CSMD1: variants seen among roughly 807,000 people sequenced by gnomAD.
The protein encoded by CSMD1 is CUB and sushi domain-containing protein 1.
Under a neutral mutation model 417.5 loss-of-function variants are expected in CSMD1, and 213 were observed. The ratio of observed to expected loss-of-function variants is 0.51; its 90% confidence interval spans 0.46 to 0.57. The LOEUF is 0.57. Among genes scored for constraint, CSMD1 ranks in the 20% least tolerant of loss-of-function variants. The pLI is 0.00. For missense variants in CSMD1, 6,923 were observed against 4,529.7 expected, an observed-to-expected ratio of 1.53 and a Z score of -15.17; for synonymous variants, 2,862 against 1,736.8, an observed-to-expected ratio of 1.65 and a Z score of -16.11.
chr8:4,107,940 A>G (rs936934252), intron 3 of CSMD1, among the ~76,000 whole-genome samples: 3 of 152,094 alleles, frequency 2.0e-5, no homozygotes, highest in Non-Finnish European at 4.4e-5. Flanking sequence ...TTTGCCCCCT[A>G]CGGACTGAAA....
intron 40 of CSMD1, among the ~76,000 whole-genome samples, chr8:3,150,073 G>C (rs142496294): frequency 2.6e-5 from 4 of 152,290 alleles, no homozygotes; most frequent in East Asian, 1.9e-4. Flanking sequence ...GGCCCAGCTT[G>C]GGAGAACAGT....
intron 2 of CSMD1, among the ~76,000 whole-genome samples, chr8:4,427,309 A>G (rs1281426258): frequency 6.6e-6 from 1 of 152,166 alleles, no homozygotes; most frequent in Non-Finnish European, 1.5e-5. Flanking sequence ...TACTGTTGAC[A>G]AAATACTGGA....
In CSMD1 at chr8:4,579,583, C is replaced by T. The variant is rs967329326; in HGVS notation, c.302+57759G>A. On this transcript the variant is annotated intron_variant, in intron 2 of 69. Coordinates refer to ENST00000635120, the MANE Select transcript of CSMD1 (RefSeq NM_033225.6). ...CTCAGCATGTTAGCCAGGCTGGTCT[C>T]GAGATCCTCACCTCATGATCCACCA... is the stretch of plus-strand genomic sequence containing the variant. Among the ~76,000 whole-genome samples the T allele has an allele frequency of 3.3e-5, 5 of 152,026 alleles. No homozygotes were observed. In the South Asian group the frequency reaches 8.3e-4, roughly 25 times the overall value.
intron 6 of CSMD1, among the ~76,000 whole-genome samples, chr8:3,743,347 C>G (rs1280392225): frequency 6.6e-6 from 1 of 152,202 alleles, no homozygotes; most frequent in Non-Finnish European, 1.5e-5. Flanking sequence ...GCTGCTTTTG[C>G]TCTTTAGAAA....
intron 5 of CSMD1, among the ~76,000 whole-genome samples, chr8:3,766,333 G>T (rs944970031): frequency 3.3e-5 from 5 of 152,144 alleles, no homozygotes; most frequent in African/African-American, 1.2e-4. Flanking sequence ...AAAAATCTTG[G>T]TTGCAACAAG....
chr8:4,438,001 G>T (rs949681232), intron 2 of CSMD1, among the ~76,000 whole-genome samples: 4 of 152,104 alleles, frequency 2.6e-5, no homozygotes, highest in African/African-American at 9.7e-5. Flanking sequence ...AAAGTGGTCT[G>T]ATCTGCATTT....
intron 3 of CSMD1, among the ~76,000 whole-genome samples, chr8:4,134,676 C>T (rs905711625): frequency 2.0e-5 from 3 of 152,166 alleles, no homozygotes; most frequent in Admixed American, 1.3e-4. Context: ...AATTTTCCAT[C>T]CCTACCGCCT....
chr8:4,943,397 G>A (rs1808150485), intron 1 of CSMD1, among the ~76,000 whole-genome samples: 1 of 152,032 alleles, frequency 6.6e-6, no homozygotes, highest in Non-Finnish European at 1.5e-5. Flanking sequence ...TCGGGAGGCT[G>A]AGGCAGGAGA....
At chr8:4,435,221 T>C (rs908928135) in intron 2 of CSMD1, among the ~76,000 whole-genome samples, 1 of 152,154 alleles carries the variant, frequency 6.6e-6, no homozygotes, top group African/African-American at 2.4e-5. Context: ...ATCTGATCTT[T>C]GGAAAATTAA....
At chr8:4,678,811 G>C (rs1009404981) in intron 1 of CSMD1, among the ~76,000 whole-genome samples, 1 of 152,198 alleles carries the variant, frequency 6.6e-6, no homozygotes, top group Non-Finnish European at 1.5e-5. Flanking sequence ...CCTGTATGTA[G>C]CAAGGGTGTG....
intron 7 of CSMD1, among the ~76,000 whole-genome samples, chr8:3,670,519 C>T (rs531097470): frequency 2.0e-4 from 24 of 121,306 alleles, no homozygotes; most frequent in African/African-American, 6.8e-4. Context: ...TATATATATC[C>T]TATATACATA....
chr8:3,214,326 G>C (rs34073332), intron 30 of CSMD1, among the ~76,000 whole-genome samples, 171 bp downstream of exon 30: 5 of 152,132 alleles, frequency 3.3e-5, no homozygotes, highest in Non-Finnish European at 5.9e-5. Flanking sequence ...TAACACACTA[G>C]CTGCATTAAA....
Position 2,990,127 on chromosome 8 carries a change from T to A in CSMD1, c.8377+7884A>T, listed in dbSNP as rs146408566. On this transcript the variant is annotated intron_variant, in intron 54 of 69. Transcript: ENST00000635120. Reference sequence around the variant, plus strand: ...TCATTCTCAATGGTTCCTTCAGTCATGCAATTTATTTTCTGTCACACAAGG... The same window carrying A: ...TCATTCTCAATGGTTCCTTCAGTCAAGCAATTTATTTTCTGTCACACAAGG... Among the ~76,000 whole-genome samples, 42 of 152,318 alleles carry A rather than the reference T, an allele frequency of 2.8e-4. No homozygotes were observed. The Middle Eastern group carries it at 0.02, about 74-fold the overall frequency.
At chr8:3,787,296 T>C (rs1280013036) in intron 5 of CSMD1, among the ~76,000 whole-genome samples, 1 of 152,168 alleles carries the variant, frequency 6.6e-6, no homozygotes, top group Admixed American at 6.5e-5. Context: ...TTTAGAAAAT[T>C]GATTTCATGG....
At chr8:3,298,180 C>G (rs1055805626) in intron 25 of CSMD1, among the ~76,000 whole-genome samples, 9 of 152,114 alleles carry the variant, frequency 5.9e-5, no homozygotes, top group Non-Finnish European at 1.0e-4. Flanking sequence ...ACTGATAGCA[C>G]CTAATACTGT....
rs140791756 is a variant in CSMD1, at chr8:4,672,017, G to C, written c.86-34459C>G. Among the ~76,000 whole-genome samples, 1,071 of 152,300 alleles carry C rather than the reference G, an allele frequency of 7.0e-3. 13 individuals are homozygous for C. Among genetic ancestry groups the C allele is most frequent in the Non-Finnish European group, 0.011 (727 of 68,036 alleles). ...CAGCATGGTTTGGGTGGCTTACTGA[G>C]AGCATGACAGTGATGACACCAAGGC... On this transcript the variant is annotated intron_variant, in intron 1 of 69. Transcript: ENST00000635120.
intron 1 of CSMD1, among the ~76,000 whole-genome samples, chr8:4,866,456 TG>T (rs1802425064): frequency 6.6e-6 from 1 of 151,746 alleles, no homozygotes; most frequent in African/African-American, 2.4e-5. Context: ...TATTCTCTTT[TG>T]TTTTTTTCTT....
chr8:3,050,520 C>T (rs1172919275), intron 50 of CSMD1, among the ~76,000 whole-genome samples: 1 of 152,132 alleles, frequency 6.6e-6, no homozygotes, highest in African/African-American at 2.4e-5. Flanking sequence ...TACATATTGC[C>T]ATCTGTTAAG....
At chr8:3,739,648 G>C (rs1003723837) in intron 6 of CSMD1, among the ~76,000 whole-genome samples, 1 of 152,140 alleles carries the variant, frequency 6.6e-6, no homozygotes, top group African/African-American at 2.4e-5. Context: ...ACAGTTCATA[G>C]GGAAATCTGT....
Sources: gnomAD v4.1 joint callset for allele counts (sites outside exome capture counted in the v4.1 genomes callset) on GRCh38, gnomAD v4.1.1 for gene constraint, MANE v1.5 for transcripts, NCBI Gene and HGNC (gene_info 2026-07-23, HGNC 2026-07-21) for gene names.